The following DBR1 variants were observed in gnomAD, a reference collection of about 807,000 sequenced individuals.
DBR1 encodes debranching RNA lariats 1, also known as lariat debranching enzyme.
DBR1 carries 33 observed loss-of-function variants against 45.9 expected under a neutral mutation model. That is an observed-to-expected ratio of 0.72 (90% confidence interval 0.55 to 0.96). The LOEUF (loss-of-function observed/expected upper bound fraction) is 0.96, where lower values mean the gene tolerates loss of function less well. Ranked by LOEUF, DBR1 falls within the 40% of genes least tolerant of loss-of-function variation. DBR1 has a pLI of 0.00. For missense variants in DBR1, 619 were observed against 667.4 expected (o/e 0.93, Z 0.80); for synonymous variants, 235 against 235.9 (o/e 1.00, Z 0.04).
chr3:138,167,600 T>C (rs1169958611), intron 4 of DBR1, among the ~76,000 whole-genome samples: 1 of 152,250 alleles, frequency 6.6e-6, no homozygotes, highest in African/African-American at 2.4e-5. Context: ...TCTTTAGCAC[T>C]TAGCTTCTAA....
chr3:138,168,665 A>C (rs568629609), intron 4 of DBR1, among the ~76,000 whole-genome samples: 1 of 151,724 alleles, frequency 6.6e-6, no homozygotes, highest in East Asian at 2.0e-4. Flanking sequence ...AAACTAGAGA[A>C]GTCATGGCTG....
At chr3:138,174,117 T>G (rs1022474414) in intron 1 of DBR1, among the ~76,000 whole-genome samples, 1 of 151,666 alleles carries the variant, frequency 6.6e-6, no homozygotes, top group Admixed American at 6.6e-5. Context: ...TCAGTGCCCG[T>G]TCAATTAAGT....
intron 5 of DBR1, 106 bp from the exon 6 acceptor site, chr3:138,163,964 G>A (rs1367645080): frequency 1.6e-5 from 11 of 683,918 alleles, no homozygotes; most frequent in Non-Finnish European, 2.7e-5. Context: ...ATACCCCTAA[G>A]TTGTGTGTCA....
chr3:138,164,029 A>G (rs1274930718), intron 5 of DBR1, 171 bp from the exon 6 acceptor site: 7 of 450,242 alleles, frequency 1.6e-5, no homozygotes, highest in Non-Finnish European at 2.4e-5. Flanking sequence ...CACTTGTGTG[A>G]TAAAAGAGAA....
At position 138,173,627 on chromosome 3, in the gene DBR1, C is replaced by G. The variant is rs768848054; in HGVS notation, c.198-1G>C. 1.9e-6 allele frequency: 3 copies of G among 1,611,412 alleles called. No individual in the cohort carries two copies. Among genetic ancestry groups the G allele is most frequent in the Admixed American group, 1.7e-5 (1 of 59,662 alleles). On this transcript the variant is annotated splice_acceptor_variant, in intron 1 of 7. Coordinates refer to ENST00000260803, the MANE Select transcript of DBR1 (RefSeq NM_016216.4). LOFTEE classifies it high-confidence loss of function. ...AGCCTTTTTCTCTCCAGAGTAATAC[C>G]TAGAACATAAGAGCAAAGTCAGTTA...
intron 2 of DBR1, among the ~76,000 whole-genome samples, chr3:138,172,586 C>T (rs2042960157): frequency 6.6e-6 from 1 of 152,074 alleles, no homozygotes; most frequent in African/African-American, 2.4e-5. Flanking sequence ...CAGAACCAGA[C>T]CTTGTCTCGA....
At position 138,162,326 on chromosome 3, in the gene DBR1, C is replaced by T; in HGVS notation, c.1198G>A (p.Asp400Asn). The change falls in exon 8 of 8, where the codon GAT becomes AAT. Residue 400 changes from aspartate to asparagine, a missense_variant. Physicochemically the swap from Asp to Asn is conservative, Grantham distance 23. Around this residue, in one of 3 missense-constraint regions of DBR1, gnomAD observed 182 missense variants for 196.1 expected, o/e 0.93. Coordinates refer to ENST00000260803, the MANE Select transcript of DBR1 (RefSeq NM_016216.4). ...CCAGAGTCATTACTCTCCACATCAT[C>T]CTGTTCTTCATATTCACCACACACA... ...HHVCGEYEEQ[D>N]DVESNDSGED... 6.2e-7 allele frequency: 1 copy of T among 1,614,214 alleles called. No homozygotes were observed. The highest frequency in any genetic ancestry group is 8.5e-7 in the Non-Finnish European group (1 of 1,180,040).
rs540047566 is a variant in DBR1, at chr3:138,161,756, G to A, written c.*133C>T. 8.6e-5 allele frequency: 60 copies of A among 696,822 alleles called. 1 individual carries two copies. The African/African-American group carries it at 9.8e-4, about 11-fold the overall frequency. 43.2% of individuals were successfully genotyped at this position (696,822 alleles called of 1,614,324 possible). On this transcript the variant is annotated 3_prime_UTR_variant, in exon 8 of 8. Coordinates refer to ENST00000260803, the MANE Select transcript of DBR1 (RefSeq NM_016216.4). Reference sequence around the variant, plus strand: ...ACCTACTTGGGAGGCTGAGGCAGGAGAATTGCTTGAACCTGGGAGGCGGAG... The same window carrying A: ...ACCTACTTGGGAGGCTGAGGCAGGAAAATTGCTTGAACCTGGGAGGCGGAG...
At chr3:138,168,801 G>A (rs1361266485) in intron 4 of DBR1, among the ~76,000 whole-genome samples, 3 of 151,742 alleles carry the variant, frequency 2.0e-5, no homozygotes, top group Non-Finnish European at 2.9e-5. Context: ...TAAAAAATAT[G>A]AAAAAAATTA....
chr3:138,174,546 G>A (rs1294229856), intron 1 of DBR1, 53 bp downstream of exon 1: 1 of 1,514,912 alleles, frequency 6.6e-7, no homozygotes, highest in Non-Finnish European at 9.0e-7. Flanking sequence ...AGTGGCAGAG[G>A]GAACCCAGTC....
At chr3:138,167,553 G>A (rs2042936250) in intron 4 of DBR1, among the ~76,000 whole-genome samples, 1 of 152,200 alleles carries the variant, frequency 6.6e-6, no homozygotes, top group Admixed American at 6.5e-5. Flanking sequence ...GCAAGGCAAT[G>A]GAGACAGACT....
At chr3:138,172,675 G>A (rs983603475) in intron 2 of DBR1, among the ~76,000 whole-genome samples, 7 of 152,180 alleles carry the variant, frequency 4.6e-5, no homozygotes, top group African/African-American at 1.7e-4. Flanking sequence ...AAATCTAAAA[G>A]CAGATTATAG....
Position 138,170,135 on chromosome 3 carries a change from C to T in DBR1, c.461G>A (p.Arg154Lys), listed in dbSNP as rs2042947821. 3 of 1,598,086 alleles carry T rather than the reference C, an allele frequency of 1.9e-6. No individual in the cohort carries two copies. Among genetic ancestry groups the T allele is most frequent in the Admixed American group, 3.4e-5 (2 of 58,932 alleles). Reference sequence around the variant, plus strand: ...TTTTAATTTATAGACTTCAATATTTCTCACATGATATATACTCCTGATTGT... The same window carrying T: ...TTTTAATTTATAGACTTCAATATTTTTCACATGATATATACTCCTGATTGT... ...SSTIRSIYHV[R>K]NIEVYKLKQL... Residue 154 changes from arginine (R) to lysine (K), a missense_variant, in exon 4 of 8, where the codon AGA becomes AAA. Coordinates refer to ENST00000260803, the MANE Select transcript of DBR1 (RefSeq NM_016216.4).
intron 5 of DBR1, among the ~76,000 whole-genome samples, chr3:138,166,645 G>C (rs143667540): frequency 1.8e-3 from 270 of 152,266 alleles, no homozygotes; most frequent in African/African-American, 6.2e-3. Context: ...CTAGAAGGCA[G>C]TTATGATCTT....
Position 138,161,716 on chromosome 3 carries a change from G to A in DBR1, c.*173C>T. 7 of 568,514 alleles carry A rather than the reference G, an allele frequency of 1.2e-5. No individual in the cohort carries two copies. Among genetic ancestry groups the A allele is most frequent in the Non-Finnish European group, 2.2e-5 (7 of 317,308 alleles). The allele number at this position is 568,514 out of a possible 1,614,324, so 35.2% of individuals were successfully genotyped here. A position where few individuals can be genotyped will look rare whatever the true frequency, so the allele number is the denominator to read the frequency against. On this transcript the variant is annotated 3_prime_UTR_variant, in exon 8 of 8. Transcript: ENST00000260803. ...CAAAAATTAGCCGGGTGTGGTGGCG[G>A]GCACCTGTAGTCCCACCTACTTGGG...
At position 138,163,492 on chromosome 3, in the gene DBR1, T is replaced by C. The variant is rs1194676636; in HGVS notation, c.798A>G (p.Ile266Met). 1.3e-6 allele frequency: 2 copies of C among 1,586,418 alleles called. No homozygotes were observed. Among genetic ancestry groups the C allele is most frequent in the Admixed American group, 1.7e-5 (1 of 59,240 alleles). ...CACTGGGGTCATGTTCTATCTCTAATATCTACAGGATGAAATCAATGTTAA... is the reference window on the plus strand; with the variant it reads ...CACTGGGGTCATGTTCTATCTCTAACATCTACAGGATGAAATCAATGTTAA... ...KCLPHRDFLQ[I>M]LEIEHDPSAP... Residue 266 changes from isoleucine to methionine, a missense_variant and splice_region_variant, in exon 7 of 8, where the codon ATA (isoleucine) becomes ATG (methionine). Ile to Met is a conservative substitution (Grantham distance 10). This residue lies in a region of DBR1 where 430 missense variants were observed against 447.7 expected (regional missense o/e 0.96). Transcript: ENST00000260803.
rs1015621379 is a variant in DBR1, at chr3:138,161,026, T to G, written c.*863A>C. 3 of 152,074 alleles carry G rather than the reference T, an allele frequency of 2.0e-5. No individual in the cohort carries two copies. The highest frequency in any genetic ancestry group is 4.4e-5 in the Non-Finnish European group (3 of 68,006). The allele number at this position is 152,074 out of a possible 1,614,324, so 9.4% of individuals were successfully genotyped here. On this transcript the variant is annotated 3_prime_UTR_variant, in exon 8 of 8. Transcript: ENST00000260803. ...GTTTACCAATGTTTAGTATTCAGAG[T>G]AGTTTATTTCCTGAAATCTTATATA...
At chr3:138,163,328 C>T (rs764279397) in intron 7 of DBR1, 21 bp downstream of exon 7, 4 of 1,606,178 alleles carry the variant, frequency 2.5e-6, no homozygotes, top group African/African-American at 1.3e-5. Context: ...AAAAGCAGGT[C>T]CTAAATAAAG....
intron 4 of DBR1, among the ~76,000 whole-genome samples, chr3:138,168,269 G>A (rs111327153): frequency 1.1e-4 from 17 of 152,250 alleles, no homozygotes; most frequent in African/African-American, 3.6e-4. Context: ...TGTAATCCCA[G>A]CACTTTAGGA....
Sources: gnomAD v4.1 joint callset for allele counts (sites outside exome capture counted in the v4.1 genomes callset) on GRCh38, gnomAD v4.1.1 for gene constraint, gnomAD v4.1.1 regional missense constraint, MANE v1.5 for transcripts, NCBI Gene and HGNC (gene_info 2026-07-23, HGNC 2026-07-21) for gene names.